KIF5C: variants seen among roughly 807,000 people sequenced by gnomAD.
KIF5C encodes the protein kinesin heavy chain isoform 5C.
KIF5C carries 18 observed loss-of-function variants against 125.2 expected under a neutral mutation model. That is an observed-to-expected ratio of 0.14 (90% CI 0.10 to 0.21). The LOEUF (loss-of-function observed/expected upper bound fraction) is 0.21. KIF5C is among the 10% of genes least tolerant of loss of function. The pLI, the probability that KIF5C is intolerant of heterozygous loss-of-function variation, is 1.00. For missense variants in KIF5C, 780 were observed against 1,183.8 expected, an observed-to-expected ratio of 0.66 and a Z score of 5.01; for synonymous variants, 405 against 434.0, an observed-to-expected ratio of 0.93 and a Z score of 0.83.
intron 11 of KIF5C, among the ~76,000 whole-genome samples, chr2:148,966,605 C>T (rs1233932068): frequency 6.6e-6 from 1 of 152,126 alleles, no homozygotes; most frequent in Non-Finnish European, 1.5e-5. Flanking sequence ...TGCTCTCGCC[C>T]TCCCCCACAC....
chr2:148,879,191 C>G (rs1347844530), intron 1 of KIF5C: 1 of 152,180 alleles, frequency 6.6e-6, no homozygotes, highest in Non-Finnish European at 1.5e-5. Flanking sequence ...TAGCTTTGGT[C>G]ATATGCCTAA....
At chr2:148,949,688 G>A in intron 8 of KIF5C, 151 bp from the exon 9 acceptor site, 1 of 1,123,712 alleles carries the variant, frequency 8.9e-7, no homozygotes, top group South Asian at 1.8e-5. Flanking sequence ...CATACACGAA[G>A]GATGGTTTTT....
chr2:148,884,960 A>G (rs1681471078), intron 1 of KIF5C, among the ~76,000 whole-genome samples: 1 of 139,390 alleles, frequency 7.2e-6, no homozygotes, highest in Non-Finnish European at 1.5e-5. Context: ...CACAATGGCC[A>G]TGTCCTAATT....
intron 25 of KIF5C, among the ~76,000 whole-genome samples, chr2:149,012,985 C>T (rs1682257305): frequency 2.0e-5 from 3 of 152,178 alleles, no homozygotes; most frequent in Non-Finnish European, 1.5e-5. Context: ...CAGTGGTCAT[C>T]GAACTTTGGT....
intron 1 of KIF5C, among the ~76,000 whole-genome samples, chr2:148,920,068 T>A (rs1330131667): frequency 6.6e-6 from 1 of 152,226 alleles, no homozygotes; most frequent in Non-Finnish European, 1.5e-5. Flanking sequence ...CTAATAAACA[T>A]TTTAAACAGA....
intron 5 of KIF5C, 117 bp from the exon 6 acceptor site, chr2:148,941,818 G>C (rs1682413460): frequency 6.1e-6 from 9 of 1,464,740 alleles, no homozygotes; most frequent in Non-Finnish European, 9.2e-7. Flanking sequence ...GCTTAAACTT[G>C]CATATTGCAA....
chr2:149,020,169 A>G (rs1288633566), intron 25 of KIF5C: 1 of 152,252 alleles, frequency 6.6e-6, no homozygotes. Context: ...CCATGAATTT[A>G]TCTAAGGATA....
At chr2:148,923,266 G>A (rs2105083562) in intron 2 of KIF5C, among the ~76,000 whole-genome samples, 1 of 152,300 alleles carries the variant, frequency 6.6e-6, no homozygotes, top group Non-Finnish European at 1.5e-5. Flanking sequence ...GGGTACATCT[G>A]TTCGTTTAAT....
intron 1 of KIF5C, among the ~76,000 whole-genome samples, chr2:148,907,948 C>A (rs1336913308): frequency 6.6e-6 from 1 of 152,204 alleles, no homozygotes; most frequent in Non-Finnish European, 1.5e-5. Flanking sequence ...ATGTTAGAGT[C>A]TCCAGACTGG....
intron 3 of KIF5C, chr2:148,935,153 C>G (rs1388001276): frequency 3.2e-6 from 1 of 312,340 alleles, no homozygotes; most frequent in Non-Finnish European, 6.5e-6. Flanking sequence ...CAGAGAGACA[C>G]AAAGTAGAGA....
intron 1 of KIF5C, among the ~76,000 whole-genome samples, chr2:148,916,378 CAG>C (rs1416525260): frequency 6.6e-6 from 1 of 152,120 alleles, no homozygotes; most frequent in Non-Finnish European, 1.5e-5. Context: ...GGCCTTGAAA[CAG>C]GGTAAATTTT....
At chr2:148,909,281 C>T (rs560301115) in intron 1 of KIF5C, among the ~76,000 whole-genome samples, 9 of 152,358 alleles carry the variant, frequency 5.9e-5, no homozygotes, top group Non-Finnish European at 1.3e-4. Flanking sequence ...TTTTGGTCAC[C>T]TCTGCCTGCA....
intron 1 of KIF5C, among the ~76,000 whole-genome samples, chr2:148,890,233 A>G (rs1456242231): frequency 6.6e-6 from 1 of 152,262 alleles, no homozygotes; most frequent in East Asian, 1.9e-4. Flanking sequence ...CACAAGGCAC[A>G]AAGAAAAAAG....
At chr2:148,978,848 G>T in intron 12 of KIF5C, 74 bp from the exon 13 acceptor site, 1 of 1,492,370 alleles carries the variant, frequency 6.7e-7, no homozygotes, top group Non-Finnish European at 9.0e-7. Context: ...TATGGTAGCT[G>T]CCTGTCACTG....
At chr2:149,013,725 G>A (rs1682279121) in intron 25 of KIF5C, among the ~76,000 whole-genome samples, 1 of 152,184 alleles carries the variant, frequency 6.6e-6, no homozygotes, top group Non-Finnish European at 1.5e-5. Flanking sequence ...TCCAGAGATT[G>A]TGCAGTGGGA....
intron 2 of KIF5C, among the ~76,000 whole-genome samples, chr2:148,929,053 G>C (rs1682109230): frequency 6.6e-6 from 1 of 152,222 alleles, no homozygotes. Context: ...TTGGGAGAAA[G>C]TGTGTCTGCC....
At chr2:149,011,501 A>G in intron 24 of KIF5C, 69 bp from the exon 25 acceptor site, 3 of 1,584,624 alleles carry the variant, frequency 1.9e-6, no homozygotes, top group Non-Finnish European at 2.6e-6. Flanking sequence ...GGTGACCTGT[A>G]GATATCAGGG....
At chr2:148,900,140 G>A (rs962887379) in intron 1 of KIF5C, among the ~76,000 whole-genome samples, 6 of 152,072 alleles carry the variant, frequency 3.9e-5, no homozygotes, top group African/African-American at 1.4e-4. Flanking sequence ...TTCCCCATTT[G>A]ACTTCTATGC....
chr2:148,897,594 G>A (rs1010015588), intron 1 of KIF5C, among the ~76,000 whole-genome samples: 12 of 152,060 alleles, frequency 7.9e-5, no homozygotes, highest in Admixed American at 5.2e-4. Flanking sequence ...TTAGTGGCAT[G>A]TTTGTTAAGT....
Sources: allele counts gnomAD v4.1 joint callset (sites outside exome capture counted in the v4.1 genomes callset), GRCh38; gene constraint gnomAD v4.1.1; transcripts MANE v1.5; gene names NCBI Gene and HGNC (gene_info 2026-07-23, HGNC 2026-07-21).